The following PCDHGA6 variants were observed in gnomAD, a reference collection of about 807,000 sequenced individuals.
PCDHGA6 encodes the protein protocadherin gamma subfamily A, 6, also known as protocadherin gamma-A6.
Under a neutral mutation model 60.6 loss-of-function variants are expected in PCDHGA6, and 41 were observed. That is an observed-to-expected ratio of 0.68 (90% CI 0.53 to 0.88). The LOEUF is 0.88. Ranked by LOEUF, PCDHGA6 falls within the 40% of genes least tolerant of loss-of-function variation. The probability of loss-of-function intolerance (pLI) is 0.00; values close to 1 mark genes in which losing one functional copy is unlikely to be tolerated. For synonymous variants in PCDHGA6, 594 were observed against 524.4 expected, an observed-to-expected ratio of 1.13 and a Z score of -1.81; for missense variants, 1,312 against 1,203.0, an observed-to-expected ratio of 1.09 and a Z score of -1.34.
At chr5:141,388,034 C>T in intron 1 of PCDHGA6, 2 of 1,423,576 alleles carry the variant, frequency 1.4e-6, no homozygotes, top group Non-Finnish European at 1.9e-6. Flanking sequence ...TGGGGAACCT[C>T]GCCACGGACC....
chr5:141,408,079 A>C (rs1176059527), intron 1 of PCDHGA6: 13 of 1,407,872 alleles, frequency 9.2e-6, no homozygotes, highest in Non-Finnish European at 1.1e-5. Context: ...CTTTCCCAGC[A>C]CAGCGGATTG....
Position 141,487,686 on chromosome 5 carries a change from T to G in PCDHGA6, c.2425-7121T>G, listed in dbSNP as rs778973495. The G allele has an allele frequency of 4.4e-6, 7 of 1,605,914 alleles. 1 individual carries two copies. The African/African-American group carries it at 9.4e-5, about 21-fold the overall frequency. On this transcript the variant is annotated intron_variant, in intron 1 of 3. Coordinates refer to ENST00000517434, the MANE Select transcript of PCDHGA6 (RefSeq NM_018919.3). The surrounding 1 kb of genome is among the most constrained non-coding windows in gnomAD (Gnocchi z 5.0). Reference sequence around the variant, plus strand: ...CCAGGCATATGGCTAGGCCATGTCCTAGAGAGTACTGGCCTCTCAGTAAGT... The same window carrying G: ...CCAGGCATATGGCTAGGCCATGTCCGAGAGAGTACTGGCCTCTCAGTAAGT...
chr5:141,412,998 T>G, intron 1 of PCDHGA6: 1 of 586,036 alleles, frequency 1.7e-6, no homozygotes, highest in Non-Finnish European at 2.9e-6. Context: ...ATCCGGATTC[T>G]CAGGGCTTCA....
chr5:141,392,962 A>G, intron 1 of PCDHGA6: 1 of 1,613,902 alleles, frequency 6.2e-7, no homozygotes, highest in Admixed American at 1.7e-5. Context: ...AATATCTCCA[A>G]GGACCTGGGG....
Position 141,490,563 on chromosome 5 carries a change from G to C in PCDHGA6, c.2425-4244G>C. On this transcript the variant is annotated intron_variant, in intron 1 of 3. Coordinates refer to ENST00000517434, the MANE Select transcript of PCDHGA6 (RefSeq NM_018919.3). This position sits in a 1 kb window ranked among gnomAD's most constrained non-coding sequence, Gnocchi z 5.4. ...CCCTACACAAACATCTCACCATCAG[G>C]CTCAACATTTCAGATGTCAATGACA... 1 of 1,614,022 alleles carries C rather than the reference G, an allele frequency of 6.2e-7. No individual in the cohort carries two copies. Among genetic ancestry groups the C allele is most frequent in the Non-Finnish European group, 8.5e-7 (1 of 1,180,008 alleles).
At chr5:141,389,325 C>T (rs368804822) in intron 1 of PCDHGA6, 6 of 1,613,886 alleles carry the variant, frequency 3.7e-6, no homozygotes, top group Admixed American at 3.3e-5. Flanking sequence ...GGACTTGGGG[C>T]CCAACGGCCA....
rs373163257 is a variant in PCDHGA6 at position 141,383,286 on chromosome 5, C to A, written c.2424+6779C>A. 1 of 1,613,888 alleles carries A rather than the reference C, an allele frequency of 6.2e-7. No individual in the cohort carries two copies. The highest frequency in any genetic ancestry group is 8.5e-7 in the Non-Finnish European group (1 of 1,179,856). Reference sequence around the variant, plus strand: ...TGGAAATAATAGATATTAATGACAACGTTCCAAGATTCTTGACGGAAGAAA... The same window carrying A: ...TGGAAATAATAGATATTAATGACAAAGTTCCAAGATTCTTGACGGAAGAAA... On this transcript the variant is annotated intron_variant, in intron 1 of 3. Transcript: ENST00000517434.
At chr5:141,450,727 T>G (rs1592137328) in intron 1 of PCDHGA6, among the ~76,000 whole-genome samples, 1 of 152,080 alleles carries the variant, frequency 6.6e-6, no homozygotes, top group Non-Finnish European at 1.5e-5. Flanking sequence ...CCTCAGGTGA[T>G]CCGCCCGCCT....
intron 1 of PCDHGA6, chr5:141,378,340 T>G (rs887140006): frequency 2.0e-5 from 3 of 152,166 alleles, no homozygotes; most frequent in African/African-American, 7.2e-5. Context: ...CTGACCAACA[T>G]GGTGAAACCC....
chr5:141,389,286 T>C, intron 1 of PCDHGA6: 1 of 1,614,018 alleles, frequency 6.2e-7, no homozygotes, highest in Non-Finnish European at 8.5e-7. Context: ...GCCTGGAGCC[T>C]CTATTTCACA....
rs773609097 is a variant in PCDHGA6 at position 141,408,614 on chromosome 5, A to C, written c.2424+32107A>C. 2.2e-5 allele frequency: 36 copies of C among 1,614,008 alleles called. No individual in the cohort carries two copies. Among genetic ancestry groups the C allele is most frequent in the Non-Finnish European group, 3.1e-5 (36 of 1,179,890 alleles). On this transcript the variant is annotated intron_variant, in intron 1 of 3. Coordinates refer to ENST00000517434, the MANE Select transcript of PCDHGA6 (RefSeq NM_018919.3). The stretch of plus-strand genomic sequence containing the variant: ...CGCCCCTCAATTTGATAAAAAGGAA[A>C]TACATTTAGAAATTTTCGAATCTGC...
intron 1 of PCDHGA6, among the ~76,000 whole-genome samples, chr5:141,482,089 CA>C (rs36035257): frequency 0.43 from 58,297 of 134,322 alleles, 12,050 homozygotes; most frequent in African/African-American, 0.53. Context: ...CACTCCATCT[CA>C]AAAAAAAAAA....
intron 1 of PCDHGA6, among the ~76,000 whole-genome samples, chr5:141,387,440 A>T (rs2090946110): frequency 6.6e-6 from 1 of 152,240 alleles, no homozygotes; most frequent in East Asian, 1.9e-4. Context: ...TATGTACTTA[A>T]TCTACATGAT....
chr5:141,445,224 G>A (rs1016307216), intron 1 of PCDHGA6, among the ~76,000 whole-genome samples: 6 of 152,194 alleles, frequency 3.9e-5, no homozygotes, highest in Admixed American at 2.0e-4. Context: ...GAGGTGCAAA[G>A]TGCTCTATTC....
chr5:141,393,934 A>G, intron 1 of PCDHGA6: 3 of 1,613,984 alleles, frequency 1.9e-6, no homozygotes, highest in Non-Finnish European at 2.5e-6. Context: ...GTGCATGACC[A>G]AGACTCTGGA....
intron 1 of PCDHGA6, among the ~76,000 whole-genome samples, chr5:141,481,886 C>T (rs575190135): frequency 6.9e-6 from 1 of 145,360 alleles, no homozygotes; most frequent in South Asian, 2.2e-4. Context: ...TGCACTCCAG[C>T]CTGGGTGAAA....
chr5:141,400,363 T>C (rs1271706599), intron 1 of PCDHGA6: 1 of 1,613,958 alleles, frequency 6.2e-7, no homozygotes, highest in Non-Finnish European at 8.5e-7. Flanking sequence ...GACTTTGCCT[T>C]ATTCCTACAA....
At chr5:141,462,648 C>T (rs2099044153) in intron 1 of PCDHGA6, among the ~76,000 whole-genome samples, 1 of 137,364 alleles carries the variant, frequency 7.3e-6, no homozygotes, top group Admixed American at 7.1e-5. Flanking sequence ...TCATTTCCAT[C>T]CTCAATTATC....
At chr5:141,405,022 C>T in intron 1 of PCDHGA6, 6 of 1,613,976 alleles carry the variant, frequency 3.7e-6, no homozygotes, top group Non-Finnish European at 5.1e-6. Context: ...CAGACCTTAC[C>T]CTCTACCTCG....
Sources: gnomAD v4.1 joint callset for allele counts (sites outside exome capture counted in the v4.1 genomes callset) on GRCh38, gnomAD v4.1.1 for gene constraint, Gnocchi (gnomAD v3.1) non-coding constraint, MANE v1.5 for transcripts, NCBI Gene and HGNC (gene_info 2026-07-23, HGNC 2026-07-21) for gene names.